SYN3: variants seen among roughly 807,000 people sequenced by gnomAD.
SYN3 encodes synapsin-3.
In SYN3, 35 loss-of-function variants were observed where a neutral mutation model predicts 65.8. The ratio of observed to expected loss-of-function variants is 0.53; its 90% CI spans 0.41 to 0.70. SYN3 has a LOEUF of 0.70. SYN3 is among the 30% of genes least tolerant of loss of function. SYN3 has a pLI of 0.00. For missense variants in SYN3, 680 were observed against 749.0 expected (o/e 0.91, Z 1.08); for synonymous variants, 270 against 292.9 (o/e 0.92, Z 0.80).
chr22:32,695,606 C>T (rs5998588), intron 6 of SYN3, among the ~76,000 whole-genome samples: 6,097 of 152,192 alleles, frequency 0.04, 387 homozygotes, highest in African/African-American at 0.13. Flanking sequence ...CTCTGACTGG[C>T]CATTTAATGT....
At chr22:32,557,719 C>T (rs1015405077) in intron 7 of SYN3, among the ~76,000 whole-genome samples, 43 of 152,196 alleles carry the variant, frequency 2.8e-4, no homozygotes, top group African/African-American at 8.7e-4. Flanking sequence ...CGTGTTCACC[C>T]GGTGCCTTTC....
At chr22:32,796,106 A>T (rs2046422447) in intron 6 of SYN3, among the ~76,000 whole-genome samples, 1 of 152,262 alleles carries the variant, frequency 6.6e-6, no homozygotes, top group Non-Finnish European at 1.5e-5. Flanking sequence ...CTCCACGGGC[A>T]TAAGGAAGAC....
chr22:32,988,348 A>C (rs547649365), intron 2 of SYN3, among the ~76,000 whole-genome samples: 1 of 144,642 alleles, frequency 6.9e-6, no homozygotes, highest in African/African-American at 2.6e-5. Flanking sequence ...AATAATAATA[A>C]AATAAATAGA....
At position 32,991,020 on chromosome 22, in the gene SYN3, C is replaced by T. The variant is rs534299808; in HGVS notation, c.312-10318G>A. Among the ~76,000 whole-genome samples, 10 of 152,014 alleles carry T rather than the reference C, an allele frequency of 6.6e-5. No individual in the cohort carries two copies. In the South Asian group the frequency reaches 1.5e-3, roughly 22 times the overall value. On this transcript the variant is annotated intron_variant, in intron 2 of 13. Transcript: ENST00000358763. ...CCAACATAGTGAAACTTTGTCTCTC[C>T]TAAAAAAAACACAAAAAATATTATC...
intron 6 of SYN3, among the ~76,000 whole-genome samples, chr22:32,693,326 G>A (rs898564418): frequency 3.5e-4 from 54 of 152,300 alleles, no homozygotes; most frequent in African/African-American, 8.9e-4. Flanking sequence ...TGTAGAGAGC[G>A]TGGGTACAGT....
chr22:32,620,116 G>A (rs982113092), intron 6 of SYN3, among the ~76,000 whole-genome samples: 12 of 152,180 alleles, frequency 7.9e-5, no homozygotes, highest in African/African-American at 2.9e-4. Flanking sequence ...TTGAGTTTTT[G>A]GGTGGTTTGT....
intron 1 of SYN3, among the ~76,000 whole-genome samples, chr22:33,023,453 G>A (rs2145868371): frequency 6.6e-6 from 1 of 152,276 alleles, no homozygotes; most frequent in South Asian, 2.1e-4. Context: ...CCAGCCATGT[G>A]GAACTGGAAG....
chr22:32,586,054 G>GTACATGTA (rs2059031699), intron 7 of SYN3, among the ~76,000 whole-genome samples: 1 of 123,954 alleles, frequency 8.1e-6, no homozygotes, highest in African/African-American at 3.3e-5. Flanking sequence ...GTATATATGT[G>GTACATGTA]TATATGTATA....
rs140099460 is a variant in SYN3, at chr22:32,885,623, C to T, written c.462-16498G>A. On this transcript the variant is annotated intron_variant, in intron 4 of 13. Transcript: ENST00000358763. Reference sequence around the variant, plus strand: ...TTGCCCAGGCTGGAATGCAGTGGCACGATCTCAGCTCACCACAATCTCCAC... The same window carrying T: ...TTGCCCAGGCTGGAATGCAGTGGCATGATCTCAGCTCACCACAATCTCCAC... 3.3e-3 allele frequency among the ~76,000 whole-genome samples: 506 copies of T among 152,022 alleles called. 4 individuals are homozygous for T. In the Middle Eastern group the frequency reaches 0.034, roughly 10 times the overall value.
At chr22:33,033,556 A>T (rs1391635818) in intron 1 of SYN3, among the ~76,000 whole-genome samples, 2 of 152,064 alleles carry the variant, frequency 1.3e-5, no homozygotes, top group African/African-American at 4.8e-5. Flanking sequence ...CCCCCATGGA[A>T]TGGCCTGGGA....
intron 12 of SYN3, among the ~76,000 whole-genome samples, chr22:32,524,203 T>A (rs569865523): frequency 6.6e-6 from 1 of 152,252 alleles, no homozygotes; most frequent in Non-Finnish European, 1.5e-5. Context: ...AGATTATTGA[T>A]GAAAGTGGCT....
At chr22:32,750,743 T>C (rs1253048212) in intron 6 of SYN3, among the ~76,000 whole-genome samples, 1 of 152,166 alleles carries the variant, frequency 6.6e-6, no homozygotes, top group East Asian at 1.9e-4. Flanking sequence ...ACCTTGGGAT[T>C]ACAGGGTTTG....
chr22:32,776,223 T>C (rs955970510), intron 6 of SYN3, among the ~76,000 whole-genome samples: 10 of 151,146 alleles, frequency 6.6e-5, no homozygotes, highest in Admixed American at 5.9e-4. Flanking sequence ...GGCGACACCC[T>C]TTTTTTTTCA....
At chr22:32,771,113 G>A (rs554904366) in intron 6 of SYN3, among the ~76,000 whole-genome samples, 1 of 152,120 alleles carries the variant, frequency 6.6e-6, no homozygotes, top group African/African-American at 2.4e-5. Flanking sequence ...CTGTGTCCAT[G>A]TGTTCTCATT....
chr22:32,599,473 C>T (rs558537641), intron 6 of SYN3, among the ~76,000 whole-genome samples: 74 of 152,194 alleles, frequency 4.9e-4, no homozygotes, highest in African/African-American at 1.7e-3. Flanking sequence ...AGGTGCCCGC[C>T]ACCATGCCCG....
intron 2 of SYN3, among the ~76,000 whole-genome samples, chr22:32,989,847 A>AC (rs2052643141): frequency 6.6e-6 from 1 of 150,842 alleles, no homozygotes; most frequent in Non-Finnish European, 1.5e-5. Context: ...AAAAAAAAAA[A>AC]AAAAAAAGGC....
chr22:32,858,326 C>T (rs536434577), intron 6 of SYN3, among the ~76,000 whole-genome samples: 1 of 152,292 alleles, frequency 6.6e-6, no homozygotes, highest in South Asian at 2.1e-4. Flanking sequence ...GTGAGGAAGG[C>T]AGGGAAGGAA....
chr22:32,614,867 T>C lies in SYN3; in HGVS notation c.712-18131A>G, dbSNP rs74430888. ...TAGTTTTGTTCCATCCCCAGTCTTC[T>C]GCACTGGAAAAAAAACTTTATGAAG... On this transcript the variant is annotated intron_variant, in intron 6 of 13. Transcript: ENST00000358763. Among the ~76,000 whole-genome samples the C allele has an allele frequency of 7.2e-3, 1,101 of 152,036 alleles. 17 individuals carry two copies. The highest frequency in any genetic ancestry group is 0.025 in the African/African-American group (1,052 of 41,438).
chr22:32,780,578 G>C (rs1435210472), intron 6 of SYN3, among the ~76,000 whole-genome samples: 1 of 152,110 alleles, frequency 6.6e-6, no homozygotes, highest in Non-Finnish European at 1.5e-5. Context: ...AATTCACCAG[G>C]TGCCTTGCAT....
Sources: allele counts gnomAD v4.1 joint callset (sites outside exome capture counted in the v4.1 genomes callset), GRCh38; gene constraint gnomAD v4.1.1; transcripts MANE v1.5; gene names NCBI Gene and HGNC (gene_info 2026-07-23, HGNC 2026-07-21).